The following RPS6KA5 variants were observed in gnomAD, a reference collection of about 807,000 sequenced individuals.
RPS6KA5 encodes ribosomal protein S6 kinase A5.
In RPS6KA5, 27 loss-of-function variants were observed where a neutral mutation model predicts 85.5. That is an observed-to-expected ratio of 0.32 (90% CI 0.23 to 0.44). The LOEUF (loss-of-function observed/expected upper bound fraction) is 0.44, where lower values mean the gene tolerates loss of function less well. Among genes scored for constraint, RPS6KA5 ranks in the 20% least tolerant of loss-of-function variants. RPS6KA5 has a pLI of 1.00. For synonymous variants in RPS6KA5, 334 were observed against 348.2 expected (o/e 0.96, Z 0.46); for missense variants, 811 against 980.9 (o/e 0.83, Z 2.31).
intron 3 of RPS6KA5, among the ~76,000 whole-genome samples, chr14:90,959,329 A>G (rs935033018): frequency 1.3e-5 from 2 of 152,232 alleles, no homozygotes; most frequent in Admixed American, 6.5e-5. Flanking sequence ...AGTTCTGAGT[A>G]GGATAGTAGT....
chr14:91,035,881 AC>A lies in RPS6KA5; in HGVS notation c.103+24450del, dbSNP rs1312390142. ...AAAAAAAAAAAAAAAAAAAAAAAAA[AC>A]CCCAAAGCTGAAGAATATGGTAATA... On this transcript the variant is annotated intron_variant, in intron 1 of 16. Transcript: ENST00000614987. 4.6e-3 allele frequency among the ~76,000 whole-genome samples: 603 copies of A among 131,560 alleles called. 15 individuals are homozygous for A. Among genetic ancestry groups the A allele is most frequent in the East Asian group, 0.018 (80 of 4,468 alleles). The allele number at this position is 131,560 out of a possible 152,430, so 86.3% of individuals were successfully genotyped here.
chr14:91,054,495 G>A (rs935968574), intron 1 of RPS6KA5, among the ~76,000 whole-genome samples: 10 of 151,876 alleles, frequency 6.6e-5, no homozygotes, highest in African/African-American at 2.2e-4. Context: ...AAATTAGCCA[G>A]GCATGGTGGC....
intron 12 of RPS6KA5, among the ~76,000 whole-genome samples, chr14:90,895,046 CTGACAATAATG>C (rs1346524984): frequency 1.3e-5 from 2 of 152,202 alleles, no homozygotes; most frequent in Non-Finnish European, 2.9e-5. Flanking sequence ...TTTTAAACTG[CTGACAATAATG>C]TGACAATAAT....
At chr14:91,035,256 C>T (rs1431909944) in intron 1 of RPS6KA5, among the ~76,000 whole-genome samples, 4 of 151,742 alleles carry the variant, frequency 2.6e-5, no homozygotes, top group Admixed American at 1.3e-4. Flanking sequence ...ATATGAACCA[C>T]GCTGTACTAG....
chr14:90,922,477 T>A (rs969792078), intron 6 of RPS6KA5, among the ~76,000 whole-genome samples: 1 of 152,222 alleles, frequency 6.6e-6, no homozygotes, highest in Non-Finnish European at 1.5e-5. Flanking sequence ...AGTCGTTGTC[T>A]CACTCTTGCT....
Position 90,871,853 on chromosome 14 carries a change from G to T in RPS6KA5, c.*221C>A. ...TCAAGAATAGTCTTGTTGGCATCAT[G>T]CTAGGTTGCTAAAAAGAGTAATATG... On this transcript the variant is annotated 3_prime_UTR_variant, in exon 17 of 17. Coordinates refer to ENST00000614987, the MANE Select transcript of RPS6KA5 (RefSeq NM_004755.4). 2.1e-6 allele frequency: 1 copy of T among 487,796 alleles called. No individual in the cohort carries two copies. The highest frequency in any genetic ancestry group is 3.6e-6 in the Non-Finnish European group (1 of 280,560). The allele number at this position is 487,796 out of a possible 1,614,324, so 30.2% of individuals were successfully genotyped here. A position where few individuals can be genotyped will look rare whatever the true frequency, so the allele number is the denominator to read the frequency against.
rs5810522 is a variant in RPS6KA5 at position 90,850,463 on chromosome 14, C to CAAAAAAAAAAAAAAA, written c.*21596_*21610dup. 1 of 129,040 alleles carries CAAAAAAAAAAAAAAA rather than the reference C, an allele frequency of 7.7e-6. No individual in the cohort carries two copies. The highest frequency in any genetic ancestry group is 2.8e-5 in the African/African-American group (1 of 35,334). The allele number at this position is 129,040 out of a possible 1,614,324, so 8.0% of individuals were successfully genotyped here. On this transcript the variant is annotated 3_prime_UTR_variant, in exon 17 of 17. Transcript: ENST00000614987. ...AACCTAATCAATGTGGGAAACCATA[C>CAAAAAAAAAAAAAAA]AAAAAAAAAAAAAAAAAACAGAAAA...
At chr14:91,043,416 C>T (rs1045905484) in intron 1 of RPS6KA5, among the ~76,000 whole-genome samples, 1 of 152,188 alleles carries the variant, frequency 6.6e-6, no homozygotes, top group Non-Finnish European at 1.5e-5. Context: ...CCTACTGATC[C>T]CACTAAGCAC....
At chr14:90,982,821 A>G (rs2039854218) in intron 2 of RPS6KA5, among the ~76,000 whole-genome samples, 2 of 152,182 alleles carry the variant, frequency 1.3e-5, no homozygotes, top group African/African-American at 4.8e-5. Flanking sequence ...TCTACTAAAA[A>G]TACAAAAGTT....
At chr14:90,998,088 T>A (rs904312466) in intron 2 of RPS6KA5, among the ~76,000 whole-genome samples, 1 of 149,984 alleles carries the variant, frequency 6.7e-6, no homozygotes, top group Non-Finnish European at 1.5e-5. Context: ...TTATGTTAAG[T>A]GAAAGAAGCT....
chr14:91,004,847 A>C (rs900947568), intron 1 of RPS6KA5, among the ~76,000 whole-genome samples: 1 of 152,114 alleles, frequency 6.6e-6, no homozygotes, highest in East Asian at 1.9e-4. Flanking sequence ...GGGCGCCTGT[A>C]GTCCCAGCTC....
At chr14:90,914,000 G>C (rs796393657) in intron 7 of RPS6KA5, among the ~76,000 whole-genome samples, 3 of 152,332 alleles carry the variant, frequency 2.0e-5, no homozygotes, top group East Asian at 3.9e-4. Context: ...GAGTACATGA[G>C]AAACAGCAGG....
intron 7 of RPS6KA5, among the ~76,000 whole-genome samples, chr14:90,912,456 G>A (rs2035876363): frequency 6.6e-6 from 1 of 152,186 alleles, no homozygotes; most frequent in Non-Finnish European, 1.5e-5. Context: ...CCTCACAGTA[G>A]CATTGAGTCC....
chr14:90,978,963 C>T (rs1248924153), intron 2 of RPS6KA5, among the ~76,000 whole-genome samples: 1 of 151,988 alleles, frequency 6.6e-6, no homozygotes, highest in Non-Finnish European at 1.5e-5. Context: ...AAATCAAATG[C>T]CTCAATTATT....
rs1443051391 is a variant in RPS6KA5, at chr14:90,854,053, C to T, written c.*18021G>A. ...GTGTGTATACACATACATAAACACACACCTATGTAATTTTCACAAGACCAA... is the reference window on the plus strand; with the variant it reads ...GTGTGTATACACATACATAAACACATACCTATGTAATTTTCACAAGACCAA... On this transcript the variant is annotated 3_prime_UTR_variant, in exon 17 of 17. Coordinates refer to ENST00000614987, the MANE Select transcript of RPS6KA5 (RefSeq NM_004755.4). 2.0e-5 allele frequency: 3 copies of T among 152,134 alleles called. No individual in the cohort carries two copies. Among genetic ancestry groups the T allele is most frequent in the African/African-American group, 7.2e-5 (3 of 41,424 alleles). 9.4% of individuals were successfully genotyped at this position (152,134 alleles called of 1,614,324 possible). A position where few individuals can be genotyped will look rare whatever the true frequency, so the allele number is the denominator to read the frequency against.
In RPS6KA5 at chr14:90,879,789, T is replaced by G. The variant is rs1014864151; in HGVS notation, c.1837-4429A>C. Among the ~76,000 whole-genome samples the G allele has an allele frequency of 4.0e-3, 611 of 151,374 alleles. 8 individuals are homozygous for G. Among genetic ancestry groups the G allele is most frequent in the African/African-American group, 0.014 (570 of 41,256 alleles). ...CTTTCTCTCCACTCCTAATTTTTTTTTTTTTTTTTTTGAGTTGGAGTCTCG... is the reference window on the plus strand; with the variant it reads ...CTTTCTCTCCACTCCTAATTTTTTTGTTTTTTTTTTTGAGTTGGAGTCTCG... On this transcript the variant is annotated intron_variant, in intron 14 of 16. Transcript: ENST00000614987.
chr14:91,002,152 TTGTC>T (rs1411932962), intron 1 of RPS6KA5, among the ~76,000 whole-genome samples: 1 of 152,166 alleles, frequency 6.6e-6, no homozygotes, highest in Non-Finnish European at 1.5e-5. Flanking sequence ...GACAAATTAC[TTGTC>T]TGTGTCTCAG....
intron 1 of RPS6KA5, among the ~76,000 whole-genome samples, chr14:91,058,292 C>A (rs2043406565): frequency 6.6e-6 from 1 of 152,200 alleles, no homozygotes; most frequent in Non-Finnish European, 1.5e-5. Flanking sequence ...CACCATCCAT[C>A]AGAAAAATTT....
chr14:90,890,794 T>C (rs2034507676), intron 13 of RPS6KA5, 116 bp from the exon 14 acceptor site: 2 of 876,634 alleles, frequency 2.3e-6, no homozygotes, highest in Admixed American at 2.4e-5. Context: ...AGAGGTCTCA[T>C]GGGGAGGCGC....
Sources: allele counts gnomAD v4.1 joint callset (sites outside exome capture counted in the v4.1 genomes callset), GRCh38; gene constraint gnomAD v4.1.1; transcripts MANE v1.5; gene names NCBI Gene and HGNC (gene_info 2026-07-23, HGNC 2026-07-21).